RORA: variants seen among roughly 807,000 people sequenced by gnomAD.
RORA encodes the protein RAR related orphan receptor A.
In RORA, 7 loss-of-function variants were observed where a neutral mutation model predicts 69.5. The ratio of observed to expected loss-of-function variants is 0.10; its 90% CI spans 0.06 to 0.19. The LOEUF is 0.19. RORA is among the 10% of genes least tolerant of loss of function. RORA has a pLI of 1.00. For synonymous variants in RORA, 261 were observed against 240.8 expected (o/e 1.08, Z -0.78); for missense variants, 457 against 663.0 (o/e 0.69, Z 3.41).
intron 2 of RORA, among the ~76,000 whole-genome samples, chr15:60,536,146 G>T (rs1163906753): frequency 6.6e-6 from 1 of 152,062 alleles, no homozygotes; most frequent in East Asian, 1.9e-4. Flanking sequence ...CTTAAGGCCG[G>T]GCAGATTACT....
chr15:60,605,733 C>G (rs1011453610), intron 2 of RORA, among the ~76,000 whole-genome samples: 1 of 152,130 alleles, frequency 6.6e-6, no homozygotes, highest in African/African-American at 2.4e-5. Flanking sequence ...TAAGTAAAAC[C>G]ACAGAGTAAA....
intron 1 of RORA, among the ~76,000 whole-genome samples, chr15:61,003,097 T>C (rs1894795226): frequency 6.8e-6 from 1 of 146,792 alleles, no homozygotes; most frequent in African/African-American, 2.5e-5. Flanking sequence ...TGAGCCGAGA[T>C]GGTGCCACTG....
intron 1 of RORA, among the ~76,000 whole-genome samples, chr15:60,904,099 T>C (rs998864801): frequency 6.6e-5 from 10 of 152,236 alleles, no homozygotes; most frequent in African/African-American, 2.2e-4. Flanking sequence ...GTGTCCTTTG[T>C]AGTGGTTCAA....
chr15:60,973,932 C>T (rs188539074), intron 1 of RORA, among the ~76,000 whole-genome samples: 28 of 152,346 alleles, frequency 1.8e-4, no homozygotes, highest in Admixed American at 1.3e-4. Context: ...CACTTTATAC[C>T]AGGGCTTATT....
In RORA at chr15:60,910,548, C is replaced by A. The variant is rs1891676118; in HGVS notation, c.167-231862G>T. Among the ~76,000 whole-genome samples the A allele has an allele frequency of 7.2e-5, 11 of 152,216 alleles. No individual in the cohort carries two copies. The South Asian group carries it at 2.3e-3, about 32-fold the overall frequency. On this transcript the variant is annotated intron_variant, in intron 1 of 10. Coordinates refer to ENST00000335670, the MANE Select transcript of RORA (RefSeq NM_134261.3). ...GCAGTATGTGGAAGCAGGTTAACAC[C>A]ATCTACCTCAAAACAACTTTGTGAA... is the stretch of plus-strand genomic sequence containing the variant.
At chr15:60,831,786 G>A (rs2073045443) in intron 1 of RORA, among the ~76,000 whole-genome samples, 1 of 152,154 alleles carries the variant, frequency 6.6e-6, no homozygotes, top group Admixed American at 6.5e-5. Flanking sequence ...ATGGTATGTT[G>A]CAATCAATTC....
At chr15:60,721,143 C>T (rs2071288276) in intron 1 of RORA, among the ~76,000 whole-genome samples, 1 of 152,152 alleles carries the variant, frequency 6.6e-6, no homozygotes, top group Admixed American at 6.5e-5. Context: ...TGGAATGAGT[C>T]AGGGGCAGAA....
chr15:60,942,091 A>T (rs988098237), intron 1 of RORA, among the ~76,000 whole-genome samples: 1 of 152,018 alleles, frequency 6.6e-6, no homozygotes, highest in East Asian at 1.9e-4. Flanking sequence ...TTTTAAAAAC[A>T]TGGAATTTTT....
At position 61,215,893 on chromosome 15, in the gene RORA, A is replaced by C. The variant is rs775055984; in HGVS notation, c.166+13160T>G. On this transcript the variant is annotated intron_variant, in intron 1 of 10. Coordinates refer to ENST00000335670, the MANE Select transcript of RORA (RefSeq NM_134261.3). ...TGCTTAATGGTGTAATTCACTTTAC[A>C]ATGGCACTATTATTACAGCATTACT... is the stretch of plus-strand genomic sequence containing the variant. Among the ~76,000 whole-genome samples the C allele has an allele frequency of 3.2e-4, 48 of 152,330 alleles. No homozygotes were observed. In the Middle Eastern group the frequency reaches 0.024, roughly 76 times the overall value.
chr15:60,698,340 A>G (rs978229592), intron 1 of RORA, among the ~76,000 whole-genome samples: 4 of 152,180 alleles, frequency 2.6e-5, no homozygotes, highest in African/African-American at 9.7e-5. Context: ...GATAAAATAA[A>G]TTACTGGGCC....
intron 2 of RORA, among the ~76,000 whole-genome samples, chr15:60,645,500 TC>T (rs1372157435): frequency 1.3e-5 from 2 of 151,106 alleles, no homozygotes; most frequent in Non-Finnish European, 2.9e-5. Context: ...CAAGCAATTC[TC>T]CTGCTTCTGC....
At chr15:60,793,435 G>T (rs2072446134) in intron 1 of RORA, among the ~76,000 whole-genome samples, 1 of 152,202 alleles carries the variant, frequency 6.6e-6, no homozygotes, top group South Asian at 2.1e-4. Flanking sequence ...CACAATACAT[G>T]TGCTCTGCAA....
chr15:60,971,050 T>C (rs1191919378), intron 1 of RORA, among the ~76,000 whole-genome samples: 1 of 152,166 alleles, frequency 6.6e-6, no homozygotes, highest in Non-Finnish European at 1.5e-5. Flanking sequence ...ACTTTCTTTG[T>C]TTTTGGATGA....
chr15:60,886,275 T>G (rs774329738), intron 1 of RORA, among the ~76,000 whole-genome samples: 1 of 151,906 alleles, frequency 6.6e-6, no homozygotes, highest in Non-Finnish European at 1.5e-5. Context: ...ATGGTAAAAA[T>G]AAGAAGAAGG....
intron 1 of RORA, among the ~76,000 whole-genome samples, chr15:61,215,040 T>G (rs1456790271): frequency 2.1e-5 from 3 of 142,582 alleles, no homozygotes; most frequent in Non-Finnish European, 4.6e-5. Flanking sequence ...AATTTTTTTT[T>G]TTTTTTTTTT....
intron 1 of RORA, among the ~76,000 whole-genome samples, chr15:60,819,082 T>C (rs904431853): frequency 6.6e-6 from 1 of 152,192 alleles, no homozygotes; most frequent in African/African-American, 2.4e-5. Context: ...GTTTTCTACA[T>C]CTAAATATCC....
intron 1 of RORA, among the ~76,000 whole-genome samples, chr15:60,894,607 G>T (rs1030390040): frequency 5.3e-5 from 8 of 152,188 alleles, no homozygotes; most frequent in Non-Finnish European, 1.2e-4. Flanking sequence ...CCGCTCAAAC[G>T]CTAGTGTGCA....
chr15:60,852,381 C>G (rs2073336208), intron 1 of RORA, among the ~76,000 whole-genome samples: 1 of 152,146 alleles, frequency 6.6e-6, no homozygotes, highest in Admixed American at 6.5e-5. Context: ...TGATGCTTGG[C>G]AAGTTTGTAA....
chr15:60,763,446 T>C (rs931105124), intron 1 of RORA, among the ~76,000 whole-genome samples: 5 of 152,210 alleles, frequency 3.3e-5, no homozygotes, highest in Non-Finnish European at 1.5e-5. Flanking sequence ...AACTTTCTTT[T>C]AGAAAGTTTC....
Sources: gnomAD v4.1 joint callset for allele counts (sites outside exome capture counted in the v4.1 genomes callset) on GRCh38, gnomAD v4.1.1 for gene constraint, MANE v1.5 for transcripts, NCBI Gene and HGNC (gene_info 2026-07-23, HGNC 2026-07-21) for gene names.